The following TAOK3 variants were observed in gnomAD, a reference collection of about 807,000 sequenced individuals.
The protein encoded by TAOK3 is serine/threonine-protein kinase TAO3.
A neutral mutation model predicts 120.4 loss-of-function variants in TAOK3; 40 were observed. The ratio of observed to expected loss-of-function variants is 0.33; its 90% CI spans 0.26 to 0.43. The LOEUF (loss-of-function observed/expected upper bound fraction) is 0.43, where lower values mean the gene tolerates loss of function less well. Ranked by LOEUF, TAOK3 falls within the 20% of genes least tolerant of loss-of-function variation. The probability of loss-of-function intolerance (pLI) is 1.00; values close to 1 mark genes in which losing one functional copy is unlikely to be tolerated. For missense variants in TAOK3, 821 were observed against 1,112.1 expected, an observed-to-expected ratio of 0.74 and a Z score of 3.72; for synonymous variants, 355 against 387.5, an observed-to-expected ratio of 0.92 and a Z score of 0.99.
At chr12:118,243,377 ATGT>A in intron 5 of TAOK3, 35 bp downstream of exon 5, 1 of 1,118,162 alleles carries the variant, frequency 8.9e-7, no homozygotes, top group East Asian at 2.5e-5. Context: ...AAAGAAAAAA[ATGT>A]AATAGTAAAA....
At chr12:118,174,764 G>A (rs565272865) in intron 16 of TAOK3, among the ~76,000 whole-genome samples, 68 of 152,136 alleles carry the variant, frequency 4.5e-4, no homozygotes, top group Non-Finnish European at 8.4e-4. Flanking sequence ...CTGTATTCAA[G>A]CAATTTGTCC....
rs67635506 is a variant in TAOK3 at position 118,197,682 on chromosome 12, CTTTTTTTTTT to C, written c.1194+1359_1194+1368del. Among the ~76,000 whole-genome samples the C allele has an allele frequency of 5.5e-5, 5 of 90,784 alleles. No homozygotes were observed. In the South Asian group the frequency reaches 1.2e-3, roughly 22 times the overall value. 59.6% of individuals were successfully genotyped at this position (90,784 alleles called of 152,430 possible). A position where few individuals can be genotyped will look rare whatever the true frequency, so the allele number is the denominator to read the frequency against. ...CAAAAAGACAGCCCAGCAAAACCTT[CTTTTTTTTTT>C]TTTTTTTTTTTTTGAGACGGAGTCT... On this transcript the variant is annotated intron_variant, in intron 13 of 20. Transcript: ENST00000392533.
intron 15 of TAOK3, among the ~76,000 whole-genome samples, chr12:118,180,446 G>A (rs1328957414): frequency 6.6e-6 from 1 of 151,842 alleles, no homozygotes; most frequent in Non-Finnish European, 1.5e-5. Flanking sequence ...TTGCCACATT[G>A]TCCAGGCTGG....
At chr12:118,228,387 G>T (rs988119307) in intron 9 of TAOK3, among the ~76,000 whole-genome samples, 1 of 151,978 alleles carries the variant, frequency 6.6e-6, no homozygotes, top group African/African-American at 2.4e-5. Context: ...CCTGACCTCA[G>T]GTGATCCATC....
At chr12:118,253,686 G>A (rs557437482) in intron 3 of TAOK3, among the ~76,000 whole-genome samples, 3 of 151,098 alleles carry the variant, frequency 2.0e-5, no homozygotes, top group South Asian at 2.1e-4. Context: ...GTAGTGAGCC[G>A]AGATTGTGCC....
chr12:118,341,445 C>G (rs1403824958), intron 1 of TAOK3, among the ~76,000 whole-genome samples: 5 of 151,852 alleles, frequency 3.3e-5, no homozygotes, highest in Non-Finnish European at 5.9e-5. Context: ...GTCCATCTGT[C>G]CAAATTTTGT....
At chr12:118,274,847 GGTC>G (rs1285687454) in intron 1 of TAOK3, among the ~76,000 whole-genome samples, 7 of 151,538 alleles carry the variant, frequency 4.6e-5, no homozygotes, top group Non-Finnish European at 8.8e-5. Context: ...TGGCCAGACT[GGTC>G]TTGAACTCCT....
chr12:118,151,890 C>T (rs982000375), intron 20 of TAOK3, among the ~76,000 whole-genome samples: 1 of 152,098 alleles, frequency 6.6e-6, no homozygotes, highest in Non-Finnish European at 1.5e-5. Context: ...TTGGCTTCCT[C>T]GTGCCATTTG....
chr12:118,361,077 T>C (rs945858815), intron 1 of TAOK3, among the ~76,000 whole-genome samples: 1 of 152,200 alleles, frequency 6.6e-6, no homozygotes, highest in Non-Finnish European at 1.5e-5. Context: ...TAAATTAACA[T>C]CAGAAGCTTG....
Position 118,201,435 on chromosome 12 carries a change from A to G in TAOK3, c.848T>C (p.Leu283Pro). The G allele has an allele frequency of 6.2e-7, 1 of 1,613,132 alleles. No homozygotes were observed. ...CTGTATGAGGTCAATGAGGACACGT[A>G]GTGGCCGGTCTCGTCGAACAAAGTC... ...RHDFVRRDRP[L>P]RVLIDLIQRT... Residue 283 changes from leucine to proline, a missense_variant, in exon 12 of 21, where the codon CTA (leucine) becomes CCA (proline). Transcript: ENST00000392533.
chr12:118,358,550 A>C (rs2045484231), intron 1 of TAOK3, among the ~76,000 whole-genome samples: 1 of 152,190 alleles, frequency 6.6e-6, no homozygotes, highest in South Asian at 2.1e-4. Flanking sequence ...ATTAGCATAA[A>C]CTGTATCCAT....
At chr12:118,251,661 C>T (rs528499895) in intron 3 of TAOK3, among the ~76,000 whole-genome samples, 1 of 152,272 alleles carries the variant, frequency 6.6e-6, no homozygotes, top group African/African-American at 2.4e-5. Flanking sequence ...GCTAAATAGA[C>T]AGGGCTTAGC....
intron 19 of TAOK3, among the ~76,000 whole-genome samples, chr12:118,155,841 A>G (rs2034783721): frequency 6.6e-6 from 1 of 151,834 alleles, no homozygotes; most frequent in Non-Finnish European, 1.5e-5. Flanking sequence ...GGCTTGAGTG[A>G]TCCTCCTGCT....
At chr12:118,151,317 A>G (rs1022653363) in intron 20 of TAOK3, among the ~76,000 whole-genome samples, 159 bp from the exon 21 acceptor site, 2 of 151,536 alleles carry the variant, frequency 1.3e-5, no homozygotes, top group African/African-American at 4.8e-5. Context: ...ACACACACAC[A>G]CAGGAACTAC....
At chr12:118,370,019 C>G (rs2045853890) in intron 1 of TAOK3, among the ~76,000 whole-genome samples, 1 of 149,800 alleles carries the variant, frequency 6.7e-6, no homozygotes, top group Non-Finnish European at 1.5e-5. Context: ...GCCCTACAGG[C>G]ACACACCACC....
At chr12:118,302,331 T>G (rs1319144285) in intron 1 of TAOK3, among the ~76,000 whole-genome samples, 2 of 152,176 alleles carry the variant, frequency 1.3e-5, no homozygotes, top group African/African-American at 4.8e-5. Flanking sequence ...CTGCCTCATC[T>G]CTCTTGTCCA....
intron 1 of TAOK3, among the ~76,000 whole-genome samples, chr12:118,280,509 G>A (rs986556926): frequency 2.0e-5 from 3 of 152,180 alleles, no homozygotes; most frequent in African/African-American, 7.2e-5. Flanking sequence ...GGTTGTAGGT[G>A]TGCGGCATTA....
At position 118,154,032 on chromosome 12, in the gene TAOK3, C is replaced by T. The variant is rs1212912543; in HGVS notation, c.2353-1623G>A. On this transcript the variant is annotated intron_variant, in intron 19 of 20. Coordinates refer to ENST00000392533, the MANE Select transcript of TAOK3 (RefSeq NM_016281.4). ...GAATGAAGGGATAAGAGACACTAGA[C>T]ACAATACATAGTCTTTGGCAGGAAC... is the stretch of plus-strand genomic sequence containing the variant. 2.0e-5 allele frequency among the ~76,000 whole-genome samples: 3 copies of T among 152,184 alleles called. No homozygotes were observed. The East Asian group carries it at 5.8e-4, about 29-fold the overall frequency.
chr12:118,258,994 T>C (rs1350223021), intron 2 of TAOK3, among the ~76,000 whole-genome samples: 3 of 152,092 alleles, frequency 2.0e-5, no homozygotes, highest in East Asian at 1.9e-4. Flanking sequence ...ACAAGGATTA[T>C]AGACTAAAAT....
Sources: allele counts gnomAD v4.1 joint callset (sites outside exome capture counted in the v4.1 genomes callset), GRCh38; gene constraint gnomAD v4.1.1; transcripts MANE v1.5; gene names NCBI Gene and HGNC (gene_info 2026-07-23, HGNC 2026-07-21).